The following XPO5 variants were observed in gnomAD, a reference collection of about 807,000 sequenced individuals.
XPO5 encodes exportin 5.
In XPO5, 46 loss-of-function variants were observed where a neutral mutation model predicts 160.6. The ratio of observed to expected loss-of-function variants is 0.29; its 90% CI spans 0.23 to 0.37. XPO5 has a LOEUF of 0.37. Ranked by LOEUF, XPO5 falls within the 10% of genes least tolerant of loss-of-function variation. The probability of loss-of-function intolerance (pLI) is 1.00; values close to 1 mark genes in which losing one functional copy is unlikely to be tolerated. For synonymous variants in XPO5, 537 were observed against 519.3 expected (o/e 1.03, Z -0.46); for missense variants, 1,090 against 1,463.9 (o/e 0.74, Z 4.17).
At chr6:43,526,036 G>T in intron 27 of XPO5, 115 bp from the exon 28 acceptor site, 4 of 1,176,844 alleles carry the variant, frequency 3.4e-6, no homozygotes, top group East Asian at 2.6e-5. Flanking sequence ...CTAAGTGGTG[G>T]CTAAGTAGTA....
At chr6:43,535,032 C>G (rs1347326547) in intron 20 of XPO5, among the ~76,000 whole-genome samples, 5 of 151,078 alleles carry the variant, frequency 3.3e-5, no homozygotes, top group African/African-American at 1.2e-4. Flanking sequence ...GTGGCTCATG[C>G]CTGTAATCCC....
rs759389339 is a variant in XPO5 at position 43,575,793 on chromosome 6, G to A, written c.72C>T (p.Asn24=). Residue 24 remains asparagine, a synonymous_variant, in exon 1 of 32, where the codon AAC becomes AAT. Coordinates refer to ENST00000265351, the MANE Select transcript of XPO5 (RefSeq NM_020750.3). The part of the protein sequence containing the change: ...VKAVTVMMDP[N]STQRYRLEAL... ...CTTCCAGCCGGTAGCGCTGGGTGGA[G>A]TTGGGGTCCATCATGACCGTCACCG... is the stretch of plus-strand genomic sequence containing the variant. 1 of 1,613,824 alleles carries A rather than the reference G, an allele frequency of 6.2e-7. No homozygotes were observed. Among genetic ancestry groups the A allele is most frequent in the Non-Finnish European group, 8.5e-7 (1 of 1,179,758 alleles).
intron 8 of XPO5, among the ~76,000 whole-genome samples, chr6:43,565,085 G>C (rs1762630030): frequency 6.6e-6 from 1 of 151,934 alleles, no homozygotes; most frequent in African/African-American, 2.4e-5. Flanking sequence ...ACCAGGTCTG[G>C]CTAATTTTTG....
intron 9 of XPO5, 83 bp from the exon 10 acceptor site, chr6:43,561,090 A>C (rs1425685837): frequency 4.4e-6 from 5 of 1,132,262 alleles, no homozygotes; most frequent in African/African-American, 1.6e-5. Context: ...AAAACAGATA[A>C]ATTAAACCCT....
Position 43,546,732 on chromosome 6 carries a change from G to T in XPO5, c.2181C>A (p.Ser727Arg). ...NRARMSFCVY[S>R]ILGVVKRTCW... is the part of the protein sequence containing the mutation. ...AAGTTCGTTTCACCACACCCAGAATGCTGTATACACAAAAGCTCATCTATA... is the reference window on the plus strand; with the variant it reads ...AAGTTCGTTTCACCACACCCAGAATTCTGTATACACAAAAGCTCATCTATA... Residue 727 changes from serine to arginine, a missense_variant, in exon 20 of 32, where the codon AGC becomes AGA. By Grantham distance (110) the Ser-to-Arg change is moderately radical. Transcript: ENST00000265351. 6.2e-7 allele frequency: 1 copy of T among 1,605,644 alleles called. No individual in the cohort carries two copies. The highest frequency in any genetic ancestry group is 1.7e-5 in the Admixed American group (1 of 58,040).
chr6:43,529,420 G>A, intron 23 of XPO5: 1 of 351,032 alleles, frequency 2.8e-6, no homozygotes. Context: ...CGGGCATGGG[G>A]GCGAGCGCCT....
intron 17 of XPO5, among the ~76,000 whole-genome samples, chr6:43,549,138 T>C (rs1254421148): frequency 6.6e-6 from 1 of 152,180 alleles, no homozygotes; most frequent in Non-Finnish European, 1.5e-5. Context: ...CTTGGCTCAC[T>C]GCAACCTCCG....
At chr6:43,534,139 A>G in intron 20 of XPO5, 132 bp from the exon 21 acceptor site, 2 of 582,358 alleles carry the variant, frequency 3.4e-6, no homozygotes, top group Non-Finnish European at 6.0e-6. Context: ...GAAAGAAAAG[A>G]AGGTATAAAT....
rs1793553589 is a variant in XPO5 at position 43,525,886 on chromosome 6, C to T, written c.3019G>A (p.Ala1007Thr). 1 of 1,613,938 alleles carries T rather than the reference C, an allele frequency of 6.2e-7. No individual in the cohort carries two copies. Among genetic ancestry groups the T allele is most frequent in the Non-Finnish European group, 8.5e-7 (1 of 1,179,908 alleles). Residue 1007 changes from alanine to threonine, a missense_variant, in exon 28 of 32, where the codon GCT becomes ACT. Around this residue, in one of 3 missense-constraint regions of XPO5, gnomAD observed 810 missense variants for 1,139.0 expected, o/e 0.71. Coordinates refer to ENST00000265351, the MANE Select transcript of XPO5 (RefSeq NM_020750.3). Reference sequence around the variant, plus strand: ...CCCAGGTCTGTAAGCTCTGCCATAGCTGAGGGGGTGACCTCTGTGGCCATC... The same window carrying T: ...CCCAGGTCTGTAAGCTCTGCCATAGTTGAGGGGGTGACCTCTGTGGCCATC... ...EMMATEVTPSAMAELTDLGKC... is the reference protein window; with the variant it reads ...EMMATEVTPSTMAELTDLGKC...
At position 43,525,941 on chromosome 6, in the gene XPO5, T is replaced by C. The variant is rs1304673596; in HGVS notation, c.2984-20A>G. 6.2e-7 allele frequency: 1 copy of C among 1,613,024 alleles called. No homozygotes were observed. Among genetic ancestry groups the C allele is most frequent in the Non-Finnish European group, 8.5e-7 (1 of 1,179,136 alleles). On this transcript the variant is annotated intron_variant, in intron 27 of 31. Transcript: ENST00000265351. ...CTTCATCTGTTATCAGAGAGTAGAA[T>C]GTTAAGCTCCATCCTTTCAGAACAG...
chr6:43,566,742 G>A (rs765676090), intron 7 of XPO5: 16 of 246,746 alleles, frequency 6.5e-5, no homozygotes, highest in Admixed American at 3.6e-4. Context: ...CCCGGAAGGC[G>A]GACGTTGCAG....
Position 43,558,498 on chromosome 6 carries a change from T to C in XPO5, c.1312+3A>G, listed in dbSNP as rs1405200952. 1.3e-6 allele frequency: 2 copies of C among 1,595,056 alleles called. No homozygotes were observed. The highest frequency in any genetic ancestry group is 1.3e-5 in the African/African-American group (1 of 74,642). On this transcript the variant is annotated splice_donor_region_variant and intron_variant, in intron 12 of 31. Coordinates refer to ENST00000265351, the MANE Select transcript of XPO5 (RefSeq NM_020750.3). Reference sequence around the variant, plus strand: ...AGAGAAATCCAAGGCCAACATCACTTACAGTTGAAGAAAGCATTGAAGTCC... The same window carrying C: ...AGAGAAATCCAAGGCCAACATCACTCACAGTTGAAGAAAGCATTGAAGTCC...
intron 15 of XPO5, 48 bp downstream of exon 15, chr6:43,551,250 A>G: frequency 2.0e-6 from 3 of 1,509,236 alleles, no homozygotes; most frequent in South Asian, 1.3e-5. Context: ...AATAAAAATT[A>G]ACTTAGAAAT....
intron 20 of XPO5, chr6:43,538,751 T>G: frequency 1.8e-6 from 1 of 567,208 alleles, no homozygotes; most frequent in Non-Finnish European, 3.0e-6. Flanking sequence ...ATAAAATGAG[T>G]TATGGAGCAC....
At chr6:43,572,399 T>C (rs763963903) in intron 3 of XPO5, 107 bp downstream of exon 3, 1 of 1,078,632 alleles carries the variant, frequency 9.3e-7, no homozygotes, top group Non-Finnish European at 1.4e-6. Flanking sequence ...TCTTGTGCTG[T>C]CTGACCTATT....
chr6:43,573,804 AATATAT>A (rs57760552), intron 1 of XPO5, among the ~76,000 whole-genome samples: 1 of 117,198 alleles, frequency 8.5e-6, no homozygotes, highest in Admixed American at 8.7e-5. Flanking sequence ...ATCTCTATTA[AATATAT>A]ATATATATAT....
intron 19 of XPO5, 106 bp from the exon 20 acceptor site, chr6:43,546,858 G>C (rs1794988869): frequency 1.8e-6 from 2 of 1,131,600 alleles, no homozygotes. Context: ...ACAGAGGCCA[G>C]AGAGAATGAA....
intron 27 of XPO5, 83 bp downstream of exon 27, chr6:43,526,602 C>T (rs1035167458): frequency 1.3e-6 from 2 of 1,510,634 alleles, no homozygotes; most frequent in Admixed American, 3.7e-5. Flanking sequence ...CCTCACCAGA[C>T]TGCAAGGAAA....
intron 7 of XPO5, chr6:43,566,666 C>T (rs1037818506): frequency 2.8e-5 from 12 of 424,816 alleles, no homozygotes; most frequent in Non-Finnish European, 4.3e-5. Context: ...AAAAATCAGT[C>T]GGGCATGGTG....
Sources: allele counts gnomAD v4.1 joint callset (sites outside exome capture counted in the v4.1 genomes callset), GRCh38; gene constraint gnomAD v4.1.1; regional missense constraint gnomAD v4.1.1; transcripts MANE v1.5; gene names NCBI Gene and HGNC (gene_info 2026-07-23, HGNC 2026-07-21).